Variants in KCNU1 observed in about 807,000 individuals in gnomAD.
KCNU1 encodes the protein potassium calcium-activated channel subfamily U member 1, also known as potassium channel subfamily U member 1.
Under a neutral mutation model 126.8 loss-of-function variants are expected in KCNU1, and 93 were observed. That is an observed-to-expected ratio of 0.73 (90% CI 0.62 to 0.87). KCNU1 has a LOEUF of 0.87. Among genes scored for constraint, KCNU1 ranks in the 40% least tolerant of loss-of-function variants. The pLI is 0.00. For missense variants in KCNU1, 1,330 were observed against 1,367.1 expected (o/e 0.97, Z 0.43); for synonymous variants, 523 against 494.2 (o/e 1.06, Z -0.77).
At chr8:36,924,862 T>A (rs1256050677) in intron 24 of KCNU1, among the ~76,000 whole-genome samples, 1 of 152,056 alleles carries the variant, frequency 6.6e-6, no homozygotes, top group African/African-American at 2.4e-5. Context: ...AAATTGAGAC[T>A]CAATTAAACA....
chr8:36,846,040 A>G, intron 18 of KCNU1, 141 bp downstream of exon 18: 1 of 618,394 alleles, frequency 1.6e-6, no homozygotes, highest in Non-Finnish European at 2.9e-6. Context: ...CACTGACCAC[A>G]CAAGAGGTGA....
At chr8:36,818,422 AAT>A (rs1804000208) in intron 10 of KCNU1, among the ~76,000 whole-genome samples, 1 of 151,854 alleles carries the variant, frequency 6.6e-6, no homozygotes, top group African/African-American at 2.4e-5. Context: ...TTTTCTACTC[AAT>A]ATATGTTGTT....
At chr8:36,917,840 A>G (rs12234931) in intron 22 of KCNU1, among the ~76,000 whole-genome samples, 21,495 of 152,118 alleles carry the variant, frequency 0.14, 1,961 homozygotes, top group East Asian at 0.34. Context: ...ACAGGAGGGA[A>G]ATGTGTCTAC....
At chr8:36,874,353 T>A (rs1165004937) in intron 19 of KCNU1, among the ~76,000 whole-genome samples, 2 of 152,182 alleles carry the variant, frequency 1.3e-5, no homozygotes, top group Non-Finnish European at 2.9e-5. Flanking sequence ...GAGTAGATTA[T>A]TATATAGAAT....
At chr8:36,784,671 T>C (rs1428868056) in intron 1 of KCNU1, 66 bp downstream of exon 1, 31 of 1,209,384 alleles carry the variant, frequency 2.6e-5, no homozygotes, top group Non-Finnish European at 3.5e-5. Flanking sequence ...GTTTTGTGTT[T>C]AGTAAAAGAT....
At chr8:36,804,274 A>G (rs1356109613) in intron 3 of KCNU1, among the ~76,000 whole-genome samples, 186 bp downstream of exon 3, 1 of 152,154 alleles carries the variant, frequency 6.6e-6, no homozygotes, top group African/African-American at 2.4e-5. Context: ...TGCAAAATAT[A>G]CAAGAGTTTC....
At chr8:36,882,148 C>T (rs1014417035) in intron 19 of KCNU1, among the ~76,000 whole-genome samples, 7 of 152,120 alleles carry the variant, frequency 4.6e-5, no homozygotes, top group African/African-American at 1.2e-4. Context: ...ATGTCATTTC[C>T]GAAAGCACCT....
chr8:36,820,724 GA>G (rs369494594), intron 10 of KCNU1, among the ~76,000 whole-genome samples: 2,307 of 149,342 alleles, frequency 0.015, 54 homozygotes, highest in African/African-American at 0.053. Context: ...ACCTCAGAGA[GA>G]AAAAAAAAAT....
chr8:36,840,380 T>G (rs1585441618), intron 14 of KCNU1, 83 bp from the exon 15 acceptor site: 2 of 689,968 alleles, frequency 2.9e-6, no homozygotes, highest in East Asian at 5.4e-5. Flanking sequence ...GACTTGTTTG[T>G]GCTTAGCAGA....
At chr8:36,918,997 G>A in intron 23 of KCNU1, 100 bp downstream of exon 23, 4 of 779,024 alleles carry the variant, frequency 5.1e-6, no homozygotes, top group Non-Finnish European at 9.0e-6. Context: ...CAGGACTCAG[G>A]AACCAGAATG....
intron 10 of KCNU1, among the ~76,000 whole-genome samples, chr8:36,826,831 C>T (rs999119760): frequency 6.6e-6 from 1 of 152,086 alleles, no homozygotes; most frequent in Non-Finnish European, 1.5e-5. Context: ...CAGGTATTAA[C>T]CCCAGTACCC....
intron 19 of KCNU1, among the ~76,000 whole-genome samples, chr8:36,882,562 C>G (rs1427052891): frequency 1.3e-5 from 2 of 152,168 alleles, no homozygotes; most frequent in Non-Finnish European, 2.9e-5. Flanking sequence ...ACTGAGCCCC[C>G]ATAGGCTGAT....
chr8:36,839,444 A>T (rs969250077), intron 14 of KCNU1, among the ~76,000 whole-genome samples: 4 of 152,250 alleles, frequency 2.6e-5, no homozygotes, highest in Non-Finnish European at 4.4e-5. Context: ...TAGTGGTATG[A>T]ACCACCTAAT....
In KCNU1 at chr8:36,935,669, G is replaced by A; in HGVS notation, c.3199G>A (p.Glu1067Lys). ...EIVNKASQTT[E>K]THSDTNCPPT... ...TGTAAATAAAGCATCACAGACAACA[G>A]AGACACATTCAGACACAAATTGTCC... The change falls in exon 27 of 27, where the codon GAG becomes AAG. Residue 1067 changes from glutamate to lysine, a missense_variant. This residue lies in a region of KCNU1 where 1,054 missense variants were observed against 1,053.9 expected (regional missense o/e 1.00). Coordinates refer to ENST00000399881, the MANE Select transcript of KCNU1 (RefSeq NM_001031836.3). 1 of 1,613,482 alleles carries A rather than the reference G, an allele frequency of 6.2e-7. No individual in the cohort carries two copies. The highest frequency in any genetic ancestry group is 8.5e-7 in the Non-Finnish European group (1 of 1,179,604).
intron 19 of KCNU1, among the ~76,000 whole-genome samples, chr8:36,886,615 T>G (rs144109548): frequency 0.013 from 1,919 of 152,290 alleles, 18 homozygotes; most frequent in Middle Eastern, 0.024. Context: ...GCATGCAACA[T>G]AAGACCCATG....
At chr8:36,926,272 G>A (rs962735823) in intron 24 of KCNU1, among the ~76,000 whole-genome samples, 9 of 152,068 alleles carry the variant, frequency 5.9e-5, no homozygotes, top group Non-Finnish European at 8.8e-5. Context: ...GTCATTCCTC[G>A]CTGCCGCAAT....
At chr8:36,793,894 A>G (rs527765635) in intron 2 of KCNU1, among the ~76,000 whole-genome samples, 7 of 152,064 alleles carry the variant, frequency 4.6e-5, no homozygotes, top group African/African-American at 1.4e-4. Flanking sequence ...TCTCTACTAA[A>G]TATGCAAAAA....
chr8:36,856,986 T>C (rs1805548523), intron 18 of KCNU1, among the ~76,000 whole-genome samples: 1 of 152,236 alleles, frequency 6.6e-6, no homozygotes. Flanking sequence ...ATCAATTCCT[T>C]TGGGCGGAGC....
chr8:36,833,975 T>A (rs1585432216), intron 11 of KCNU1, among the ~76,000 whole-genome samples: 1 of 152,208 alleles, frequency 6.6e-6, no homozygotes, highest in African/African-American at 2.4e-5. Context: ...CAAGGTGTGT[T>A]TGATCTTACC....
Sources: gnomAD v4.1 joint callset for allele counts (sites outside exome capture counted in the v4.1 genomes callset) on GRCh38, gnomAD v4.1.1 for gene constraint, gnomAD v4.1.1 regional missense constraint, MANE v1.5 for transcripts, NCBI Gene and HGNC (gene_info 2026-07-23, HGNC 2026-07-21) for gene names.